The following TRPC7 variants were observed in gnomAD, a reference collection of about 807,000 sequenced individuals.
The protein encoded by TRPC7 is transient receptor potential cation channel subfamily C member 7, also known as short transient receptor potential channel 7.
A neutral mutation model predicts 90.1 loss-of-function variants in TRPC7; 42 were observed. That is an observed-to-expected ratio of 0.47 (90% CI 0.36 to 0.60). The LOEUF (loss-of-function observed/expected upper bound fraction) is 0.60, where lower values mean the gene tolerates loss of function less well. TRPC7 is among the 20% of genes least tolerant of loss of function. The pLI, the probability that TRPC7 is intolerant of heterozygous loss-of-function variation, is 0.00. For synonymous variants in TRPC7, 451 were observed against 436.3 expected, an observed-to-expected ratio of 1.03 and a Z score of -0.42; for missense variants, 955 against 1,112.3, an observed-to-expected ratio of 0.86 and a Z score of 2.01.
At chr5:136,252,182 T>C (rs1446987399) in intron 5 of TRPC7, among the ~76,000 whole-genome samples, 1 of 152,050 alleles carries the variant, frequency 6.6e-6, no homozygotes, top group Non-Finnish European at 1.5e-5. Context: ...TTATACACTT[T>C]AAGAACTTTA....
intron 8 of TRPC7, among the ~76,000 whole-genome samples, chr5:136,230,141 T>C (rs143833105): frequency 2.1e-4 from 32 of 152,364 alleles, no homozygotes; most frequent in Non-Finnish European, 3.8e-4. Flanking sequence ...ATTTCCAGGT[T>C]TTTCCTTTAA....
chr5:136,224,752 C>G (rs1325243651), intron 10 of TRPC7, among the ~76,000 whole-genome samples: 1 of 152,176 alleles, frequency 6.6e-6, no homozygotes, highest in Non-Finnish European at 1.5e-5. Flanking sequence ...TCTCCCCCAT[C>G]CTGACAGTGG....
Position 136,220,645 on chromosome 5 carries a change from TTTTGCCCTTTGCCTTGTGATCTTTGC to T in TRPC7, c.2344-4396_2344-4371del, listed in dbSNP as rs546932718. 5.0e-3 allele frequency among the ~76,000 whole-genome samples: 759 copies of T among 152,304 alleles called. 10 individuals carry two copies. The highest frequency in any genetic ancestry group is 0.023 in the Admixed American group (348 of 15,292). ...ATAGACCCTTATCAGGAGTTTTTGATTTTGCCCTTTGCCTTGTGATCTTTGCTTTGCCCTTTGCCTTGTGATCTTTA... is the reference window on the plus strand; with the variant it reads ...ATAGACCCTTATCAGGAGTTTTTGATTTTGCCCTTTGCCTTGTGATCTTTA... On this transcript the variant is annotated intron_variant, in intron 10 of 11. Transcript: ENST00000513104.
intron 3 of TRPC7, among the ~76,000 whole-genome samples, chr5:136,295,252 A>C (rs1580915404): frequency 6.6e-6 from 1 of 152,184 alleles, no homozygotes; most frequent in Admixed American, 6.5e-5. Context: ...ACAAACCTGC[A>C]CGTTGTGCAC....
chr5:136,222,235 A>G (rs1452100300), intron 10 of TRPC7: 1 of 152,216 alleles, frequency 6.6e-6, no homozygotes, highest in East Asian at 1.9e-4. Flanking sequence ...AAGCAGAAGG[A>G]TTGACAAACA....
chr5:136,254,308 TA>T (rs1398369212), intron 5 of TRPC7, among the ~76,000 whole-genome samples: 8 of 152,220 alleles, frequency 5.3e-5, no homozygotes, highest in Non-Finnish European at 1.0e-4. Flanking sequence ...TTCAGAGCTA[TA>T]GAGTAGACAT....
At chr5:136,213,651 C>T (rs149040587) in intron 11 of TRPC7, 47 bp from the exon 12 acceptor site, 42 of 1,602,244 alleles carry the variant, frequency 2.6e-5, no homozygotes, top group East Asian at 1.6e-4. Context: ...GGTGGAAGCT[C>T]GGGGCTTGTC....
At chr5:136,227,898 T>G (rs1307260548) in intron 8 of TRPC7, among the ~76,000 whole-genome samples, 5 of 152,170 alleles carry the variant, frequency 3.3e-5, no homozygotes, top group Non-Finnish European at 7.3e-5. Context: ...TGCCAGACAT[T>G]TAGTAAGCCC....
intron 2 of TRPC7, among the ~76,000 whole-genome samples, 167 bp downstream of exon 2, chr5:136,356,441 G>A (rs1472273377): frequency 6.6e-6 from 1 of 152,198 alleles, no homozygotes; most frequent in Non-Finnish European, 1.5e-5. Context: ...TTTTCCTCAG[G>A]CCTATCTCTG....
chr5:136,248,865 T>C (rs1283692895), intron 6 of TRPC7, among the ~76,000 whole-genome samples: 1 of 152,234 alleles, frequency 6.6e-6, no homozygotes, highest in Non-Finnish European at 1.5e-5. Flanking sequence ...ACTTCTCTCA[T>C]GGAGGATGTG....
rs1756383842 is a variant in TRPC7, at chr5:136,247,627, T to C, written c.1688A>G (p.Glu563Gly). ...SRIAYILPAN[E>G]SFGPLQISLG... ...CGAGATCTGCAGGGGCCCAAAACTC[T>C]CGTTGGCTGGCAGAATGTATGCAAT... The change falls in exon 7 of 12, where the codon GAG (glutamate) becomes GGG (glycine). Residue 563 changes from glutamate to glycine, a missense_variant. Around this residue, in one of 4 missense-constraint regions of TRPC7, gnomAD observed 296 missense variants for 422.7 expected, o/e 0.70. Transcript: ENST00000513104. This position sits in a 1 kb window ranked among gnomAD's most constrained non-coding sequence, Gnocchi z 4.2. 2 of 1,613,988 alleles carry C rather than the reference T, an allele frequency of 1.2e-6. No homozygotes were observed. The highest frequency in any genetic ancestry group is 1.7e-6 in the Non-Finnish European group (2 of 1,179,882).
At chr5:136,251,948 CATGGAGGGAACCAGAGT>C in intron 5 of TRPC7, 66 bp from the exon 6 acceptor site, 21 of 1,289,564 alleles carry the variant, frequency 1.6e-5, no homozygotes, top group Non-Finnish European at 2.2e-5. Context: ...CGCATGAGGT[CATGGAGGGAACCAGAGT>C]ACAAATGTAA....
intron 11 of TRPC7, chr5:136,213,942 A>C (rs528080394): frequency 3.1e-5 from 8 of 254,236 alleles, no homozygotes; most frequent in Admixed American, 2.9e-4. Context: ...AGAGTCACTA[A>C]AGGCAGATTT....
intron 1 of TRPC7, among the ~76,000 whole-genome samples, chr5:136,358,615 A>G (rs1396557262): frequency 6.6e-6 from 1 of 152,184 alleles, no homozygotes; most frequent in Non-Finnish European, 1.5e-5. Context: ...AGCAAACTAG[A>G]GACAATAACA....
At chr5:136,307,777 A>C in intron 3 of TRPC7, among the ~76,000 whole-genome samples, 1 of 152,220 alleles carries the variant, frequency 6.6e-6, no homozygotes, top group Non-Finnish European at 1.5e-5. Flanking sequence ...CCAAAGTGTT[A>C]AGGTGTCGGG....
chr5:136,321,429 A>G (rs188408938), intron 2 of TRPC7, among the ~76,000 whole-genome samples: 2 of 152,304 alleles, frequency 1.3e-5, no homozygotes, highest in African/African-American at 2.4e-5. Flanking sequence ...GATAAAATTG[A>G]TAAGTGGAGA....
At chr5:136,331,382 A>G (rs1051414060) in intron 2 of TRPC7, among the ~76,000 whole-genome samples, 5 of 152,250 alleles carry the variant, frequency 3.3e-5, no homozygotes, top group Middle Eastern at 3.4e-3. Context: ...GCTCTGTGCC[A>G]GGGCCCTGGA....
intron 3 of TRPC7, among the ~76,000 whole-genome samples, chr5:136,310,329 G>A (rs1334007355): frequency 7.6e-6 from 1 of 131,920 alleles, no homozygotes; most frequent in East Asian, 2.4e-4. Context: ...AAATCATAGG[G>A]GAATTTTTTT....
Position 136,267,264 on chromosome 5 carries a change from A to G in TRPC7, c.1129-828T>C, listed in dbSNP as rs572754298. On this transcript the variant is annotated intron_variant, in intron 4 of 11. Coordinates refer to ENST00000513104, the MANE Select transcript of TRPC7 (RefSeq NM_020389.3). ...AGGCCACTTGGATCTTTGGGATCGA[A>G]TTGAGGGCTGCACGTTGAGTACTTG... Among the ~76,000 whole-genome samples the G allele has an allele frequency of 1.6e-4, 24 of 152,302 alleles. No individual in the cohort carries two copies. The East Asian group carries it at 4.6e-3, about 29-fold the overall frequency.
Sources: allele counts gnomAD v4.1 joint callset (sites outside exome capture counted in the v4.1 genomes callset), GRCh38; gene constraint gnomAD v4.1.1; regional missense constraint gnomAD v4.1.1; non-coding constraint Gnocchi (gnomAD v3.1); transcripts MANE v1.5; gene names NCBI Gene and HGNC (gene_info 2026-07-23, HGNC 2026-07-21).